Variants in KIAA1191 observed in about 807,000 individuals in gnomAD.
KIAA1191 encodes putative monooxygenase p33MONOX.
In KIAA1191, 22 loss-of-function variants were observed where a neutral mutation model predicts 31.1. The ratio of observed to expected loss-of-function variants is 0.71; its 90% CI spans 0.51 to 1.01. The LOEUF is 1.01. KIAA1191 is among the 50% of genes least tolerant of loss of function. The probability of loss-of-function intolerance (pLI) is 0.00; values close to 1 mark genes in which losing one functional copy is unlikely to be tolerated. For synonymous variants in KIAA1191, 130 were observed against 143.9 expected (o/e 0.90, Z 0.69); for missense variants, 319 against 388.0 (o/e 0.82, Z 1.49).
At chr5:176,351,536 G>A (rs568303787) in intron 5 of KIAA1191, among the ~76,000 whole-genome samples, 26 of 152,008 alleles carry the variant, frequency 1.7e-4, no homozygotes, top group African/African-American at 5.5e-4. Context: ...TAGGCGGGCA[G>A]ATCACGAGGT....
In KIAA1191 at chr5:176,361,591, C is replaced by G. The variant is rs1768020930; in HGVS notation, c.-168+11G>C. 2 of 152,346 alleles carry G rather than the reference C, an allele frequency of 1.3e-5. No individual in the cohort carries two copies. Among genetic ancestry groups the G allele is most frequent in the African/African-American group, 2.4e-5 (1 of 41,466 alleles). 9.4% of individuals were successfully genotyped at this position (152,346 alleles called of 1,614,324 possible). A position where few individuals can be genotyped will look rare whatever the true frequency, so the allele number is the denominator to read the frequency against. ...GCCCCAAGGGAGGGCCCAGGCCCGC[C>G]ATCTGTTCACCTGTGATCCTGCTGC... On this transcript the variant is annotated intron_variant, in intron 1 of 8. Transcript: ENST00000298569. This position sits in a 1 kb window ranked among gnomAD's most constrained non-coding sequence, Gnocchi z 4.0.
At position 176,347,925 on chromosome 5, in the gene KIAA1191, A is replaced by C. The variant is rs1766653699; in HGVS notation, c.705T>G (p.Asp235Glu). 1 of 1,613,988 alleles carries C rather than the reference A, an allele frequency of 6.2e-7. No homozygotes were observed. The highest frequency in any genetic ancestry group is 1.3e-5 in the African/African-American group (1 of 74,904). Residue 235 changes from aspartate (D) to glutamate (E), a missense_variant, in exon 8 of 9, where the codon GAT (aspartate) becomes GAG (glutamate). Physicochemically the swap from Asp to Glu is conservative, Grantham distance 45. Coordinates refer to ENST00000298569, the MANE Select transcript of KIAA1191 (RefSeq NM_020444.5). ...LFGPRSLQKY[D>E]SGSFATQAYR... ...TTTTTGAAGGTGCTGCCTTACCAGA[A>C]TCGTACTTCTGAAGGGATCTCGGTC...
At chr5:176,360,705 G>A (rs1767923389) in intron 1 of KIAA1191, among the ~76,000 whole-genome samples, 2 of 151,976 alleles carry the variant, frequency 1.3e-5, no homozygotes, top group Admixed American at 1.3e-4. Context: ...GGAGGCTGAG[G>A]CAGGAGAATA....
chr5:176,358,154 T>C (rs1274669804), intron 3 of KIAA1191, among the ~76,000 whole-genome samples: 1 of 152,230 alleles, frequency 6.6e-6, no homozygotes, highest in African/African-American at 2.4e-5. Flanking sequence ...TAAGGGTTGC[T>C]GTGAGCATTT....
chr5:176,352,953 T>C (rs1561754532), intron 4 of KIAA1191, among the ~76,000 whole-genome samples: 1 of 152,212 alleles, frequency 6.6e-6, no homozygotes, highest in Non-Finnish European at 1.5e-5. Context: ...GTGAATAGTT[T>C]ACATTTATAA....
At chr5:176,352,174 AAAAAAC>A (rs1038521511) in intron 5 of KIAA1191, among the ~76,000 whole-genome samples, 1 of 151,444 alleles carries the variant, frequency 6.6e-6, no homozygotes, top group African/African-American at 2.4e-5. Flanking sequence ...AAAACAAAAA[AAAAAAC>A]AAAAACTGGG....
chr5:176,360,153 ATTTTT>A (rs200839926), intron 1 of KIAA1191, among the ~76,000 whole-genome samples: 1 of 123,078 alleles, frequency 8.1e-6, no homozygotes. Flanking sequence ...CCCAATCCCA[ATTTTT>A]TTTTTTTTTT....
Position 176,355,615 on chromosome 5 carries a change from A to C in KIAA1191, c.163T>G (p.Trp55Gly), listed in dbSNP as rs767946116. 1 of 1,612,164 alleles carries C rather than the reference A, an allele frequency of 6.2e-7. No individual in the cohort carries two copies. Among genetic ancestry groups the C allele is most frequent in the South Asian group, 1.1e-5 (1 of 91,004 alleles). Residue 55 changes from tryptophan to glycine, a missense_variant, in exon 4 of 9, where the codon TGG (tryptophan) becomes GGG (glycine). Physicochemically the swap from Trp to Gly is radical, Grantham distance 184. Transcript: ENST00000298569. This position sits in a 1 kb window ranked among gnomAD's most constrained non-coding sequence, Gnocchi z 4.2. ...TTGCGCTCTGGAATCACTGGCTTCC[A>C]AGGGACGCTGCCCATGTCCGATGGA... ...PPPSDMGSVP[W>G]KPVIPERKYQ...
At chr5:176,358,256 T>A (rs564373631) in intron 3 of KIAA1191, among the ~76,000 whole-genome samples, 1 of 152,268 alleles carries the variant, frequency 6.6e-6, no homozygotes, top group African/African-American at 2.4e-5. Context: ...AAAAGGTGAG[T>A]TTAATCACTT....
intron 3 of KIAA1191, among the ~76,000 whole-genome samples, chr5:176,357,801 T>G (rs1436569551): frequency 6.6e-6 from 1 of 152,164 alleles, no homozygotes; most frequent in African/African-American, 2.4e-5. Flanking sequence ...TACGGGAGAC[T>G]TGGGGAGCAA....
At position 176,357,823 on chromosome 5, in the gene KIAA1191, T is replaced by C. The variant is rs537112931; in HGVS notation, c.28+1658A>G. Among the ~76,000 whole-genome samples the C allele has an allele frequency of 7.6e-4, 116 of 152,278 alleles. No individual in the cohort carries two copies. In the Middle Eastern group the frequency reaches 0.01, roughly 13 times the overall value. On this transcript the variant is annotated intron_variant, in intron 3 of 8. Transcript: ENST00000298569. ...GACTTGGGGAGCAATTTCAAAAACA[T>C]CTTAAAGACTCCCACTGAACAGCCA... is the stretch of plus-strand genomic sequence containing the variant.
chr5:176,349,634 C>T (rs1766817181), intron 6 of KIAA1191, among the ~76,000 whole-genome samples: 1 of 152,190 alleles, frequency 6.6e-6, no homozygotes, highest in Admixed American at 6.5e-5. Context: ...GATCACAACA[C>T]TGTACTCCAG....
intron 5 of KIAA1191, among the ~76,000 whole-genome samples, 165 bp from the exon 6 acceptor site, chr5:176,350,902 C>G (rs1235742831): frequency 1.3e-5 from 2 of 152,138 alleles, no homozygotes; most frequent in Non-Finnish European, 2.9e-5. Context: ...AATTCTGAAC[C>G]TCACACAAAG....
rs138167765 is a variant in KIAA1191 at position 176,347,946 on chromosome 5, C to T, written c.684G>A (p.Pro228=). The T allele has an allele frequency of 4.2e-4, 679 of 1,614,128 alleles. 5 individuals are homozygous for T. In the African/African-American group the frequency reaches 7.7e-3, roughly 18 times the overall value. ...CAGAATCGTACTTCTGAAGGGATCT[C>T]GGTCCAAAGAGGCTCCACTTATCTG... ...NLSDKWSLFG[P]RSLQKYDSGS... is the part of the protein sequence containing the mutation. Residue 228 remains proline, a synonymous_variant, in exon 8 of 9, where the codon CCG becomes CCA. Coordinates refer to ENST00000298569, the MANE Select transcript of KIAA1191 (RefSeq NM_020444.5).
chr5:176,352,887 C>T, intron 4 of KIAA1191, 139 bp from the exon 5 acceptor site: 2 of 829,348 alleles, frequency 2.4e-6, no homozygotes, highest in South Asian at 2.0e-5. Flanking sequence ...AGGAGTTGGT[C>T]ATCTCCACCC....
intron 1 of KIAA1191, among the ~76,000 whole-genome samples, chr5:176,360,813 TA>T (rs1291846735): frequency 6.6e-6 from 1 of 151,284 alleles, no homozygotes; most frequent in Non-Finnish European, 1.5e-5. Context: ...AAATAAAAAT[TA>T]AAAAAATTAA....
intron 3 of KIAA1191, among the ~76,000 whole-genome samples, chr5:176,357,638 T>G (rs547783670): frequency 1.7e-3 from 261 of 152,272 alleles, no homozygotes; most frequent in African/African-American, 6.2e-3. Context: ...GCACACACTC[T>G]GCATGCAACA....
In KIAA1191 at chr5:176,355,399, TAAATA is replaced by T. The variant is rs1405803267; in HGVS notation, c.207+167_207+171del. On this transcript the variant is annotated intron_variant, in intron 4 of 8. Transcript: ENST00000298569. This position sits in a 1 kb window ranked among gnomAD's most constrained non-coding sequence, Gnocchi z 4.2. The stretch of plus-strand genomic sequence containing the variant: ...GCTACTGATTTTTTTTTTAACAAAA[TAAATA>T]AAATCTTAAAAAAAAAAAAAAGACA... Among the ~76,000 whole-genome samples the T allele has an allele frequency of 8.4e-4, 91 of 108,232 alleles. No individual in the cohort carries two copies. The highest frequency in any genetic ancestry group is 4.5e-4 in the Non-Finnish European group (23 of 51,446). 71.0% of individuals were successfully genotyped at this position (108,232 alleles called of 152,430 possible).
At chr5:176,351,803 C>T (rs575640133) in intron 5 of KIAA1191, among the ~76,000 whole-genome samples, 1 of 151,912 alleles carries the variant, frequency 6.6e-6, no homozygotes, top group East Asian at 1.9e-4. Flanking sequence ...GAGTCTGGAC[C>T]TTTGGTTCTT....
Sources: gnomAD v4.1 joint callset for allele counts (sites outside exome capture counted in the v4.1 genomes callset) on GRCh38, gnomAD v4.1.1 for gene constraint, Gnocchi (gnomAD v3.1) non-coding constraint, MANE v1.5 for transcripts, NCBI Gene and HGNC (gene_info 2026-07-23, HGNC 2026-07-21) for gene names.